Variants in DPP10 observed in about 807,000 individuals in gnomAD.
The protein encoded by DPP10 is dipeptidyl peptidase like 10.
A neutral mutation model predicts 120.9 loss-of-function variants in DPP10; 33 were observed. The observed-to-expected ratio is 0.27, with a 90% confidence interval of 0.21 to 0.37. The LOEUF (loss-of-function observed/expected upper bound fraction) is 0.37, where lower values mean the gene tolerates loss of function less well. Ranked by LOEUF, DPP10 falls within the 10% of genes least tolerant of loss-of-function variation. The pLI is 1.00. For synonymous variants in DPP10, 337 were observed against 326.1 expected (o/e 1.03, Z -0.36); for missense variants, 816 against 942.8 (o/e 0.87, Z 1.76).
At chr2:115,219,230 A>G (rs115225014) in intron 1 of DPP10, among the ~76,000 whole-genome samples, 9,546 of 152,210 alleles carry the variant, frequency 0.063, 337 homozygotes, top group Middle Eastern at 0.11. Context: ...CTATACCTGG[A>G]GGCTGAGGTT....
chr2:115,522,693 C>T (rs562349145), intron 4 of DPP10, among the ~76,000 whole-genome samples: 5 of 152,054 alleles, frequency 3.3e-5, no homozygotes, highest in South Asian at 4.2e-4. Flanking sequence ...TTTTGGATGT[C>T]GAAAACTGGA....
At chr2:115,296,989 G>A (rs921186967) in intron 1 of DPP10, among the ~76,000 whole-genome samples, 4 of 152,050 alleles carry the variant, frequency 2.6e-5, no homozygotes, top group Admixed American at 2.0e-4. Context: ...GAACGATTAT[G>A]TATAGTTTTT....
chr2:114,902,993 T>G (rs984119020), intron 1 of DPP10, among the ~76,000 whole-genome samples: 18 of 152,186 alleles, frequency 1.2e-4, no homozygotes, highest in African/African-American at 3.9e-4. Context: ...ACCACTAATC[T>G]TTTTATTATC....
At position 115,843,931 on chromosome 2, in the gene DPP10, C is replaced by T. The variant is rs1003227968; in HGVS notation, c.*1586C>T. ...AACTTTAAAATATCAAGGAATCACT[C>T]AGTCACCCTCCTGTTTTGTTGAAGG... On this transcript the variant is annotated 3_prime_UTR_variant, in exon 26 of 26. Coordinates refer to ENST00000410059, the MANE Select transcript of DPP10 (RefSeq NM_020868.6). 1 of 152,546 alleles carries T rather than the reference C, an allele frequency of 6.6e-6. No individual in the cohort carries two copies. Among genetic ancestry groups the T allele is most frequent in the Admixed American group, 6.6e-5 (1 of 15,266 alleles). 9.4% of individuals were successfully genotyped at this position (152,546 alleles called of 1,614,324 possible).
intron 1 of DPP10, among the ~76,000 whole-genome samples, chr2:114,651,977 T>C (rs1308377960): frequency 6.6e-6 from 1 of 152,160 alleles, no homozygotes; most frequent in Non-Finnish European, 1.5e-5. Flanking sequence ...ATGCTGCTGG[T>C]CTAACAAGCT....
intron 1 of DPP10, among the ~76,000 whole-genome samples, chr2:115,271,532 G>A (rs1362667375): frequency 6.6e-6 from 1 of 151,954 alleles, no homozygotes; most frequent in Non-Finnish European, 1.5e-5. Flanking sequence ...AATGTGACAA[G>A]CTTCAAACTT....
chr2:115,780,750 A>G, intron 15 of DPP10, 124 bp from the exon 16 acceptor site: 1 of 790,056 alleles, frequency 1.3e-6, no homozygotes, highest in Non-Finnish European at 1.9e-6. Context: ...CATAGTTTAC[A>G]GTGAACCTCT....
chr2:114,881,831 G>A (rs1176706953), intron 1 of DPP10, among the ~76,000 whole-genome samples: 1 of 151,952 alleles, frequency 6.6e-6, no homozygotes, highest in Non-Finnish European at 1.5e-5. Context: ...TTCTTTCCTC[G>A]GGTGAATTCA....
At chr2:114,488,919 G>A (rs1413347974) in intron 1 of DPP10, among the ~76,000 whole-genome samples, 1 of 152,190 alleles carries the variant, frequency 6.6e-6, no homozygotes, top group Admixed American at 6.5e-5. Context: ...ATCATGCTAA[G>A]TAATTTTAAA....
At chr2:115,534,724 C>G (rs1419098132) in intron 5 of DPP10, among the ~76,000 whole-genome samples, 2 of 149,834 alleles carry the variant, frequency 1.3e-5, no homozygotes, top group African/African-American at 4.9e-5. Context: ...TACAGTCCCA[C>G]CAACAGTGTA....
chr2:114,476,741 AG>A (rs1680405726), intron 1 of DPP10, among the ~76,000 whole-genome samples: 1 of 152,132 alleles, frequency 6.6e-6, no homozygotes, highest in Non-Finnish European at 1.5e-5. Context: ...TTTTAATCAA[AG>A]TTTAGCAATC....
At chr2:114,980,222 C>G (rs1277085891) in intron 1 of DPP10, among the ~76,000 whole-genome samples, 1 of 152,040 alleles carries the variant, frequency 6.6e-6, no homozygotes, top group East Asian at 1.9e-4. Context: ...ATCAGACAGC[C>G]TATATGTGAG....
At chr2:115,637,635 T>C (rs1472277618) in intron 5 of DPP10, among the ~76,000 whole-genome samples, 1 of 152,208 alleles carries the variant, frequency 6.6e-6, no homozygotes, top group Non-Finnish European at 1.5e-5. Context: ...ATAAAAGTTA[T>C]TTTATGATAA....
chr2:114,913,765 T>C (rs1694566589), intron 1 of DPP10, among the ~76,000 whole-genome samples: 1 of 152,188 alleles, frequency 6.6e-6, no homozygotes, highest in Non-Finnish European at 1.5e-5. Flanking sequence ...GATGACAATG[T>C]AGATTAATGA....
intron 5 of DPP10, among the ~76,000 whole-genome samples, chr2:115,530,188 T>G (rs556350192): frequency 6.6e-6 from 1 of 152,208 alleles, no homozygotes; most frequent in South Asian, 2.1e-4. Context: ...TTTATTCATT[T>G]TATTTATTAA....
At chr2:115,418,215 G>C (rs2069604153) in intron 3 of DPP10, among the ~76,000 whole-genome samples, 1 of 152,112 alleles carries the variant, frequency 6.6e-6, no homozygotes, top group South Asian at 2.1e-4. Context: ...ATTGTTTTTG[G>C]TCTGGCCAGC....
At chr2:114,781,847 C>T (rs1682354061) in intron 1 of DPP10, among the ~76,000 whole-genome samples, 1 of 152,126 alleles carries the variant, frequency 6.6e-6, no homozygotes, top group Admixed American at 6.6e-5. Context: ...CTGGAAGGAG[C>T]GTCCAGGGCC....
chr2:115,378,552 C>T (rs1284814786), intron 3 of DPP10, among the ~76,000 whole-genome samples: 1 of 151,130 alleles, frequency 6.6e-6, no homozygotes, highest in Admixed American at 6.6e-5. Flanking sequence ...ATTTCCTTCT[C>T]CTGCCTAATT....
chr2:115,809,928 C>G (rs182498619), intron 19 of DPP10, among the ~76,000 whole-genome samples: 2,779 of 152,264 alleles, frequency 0.018, 86 homozygotes, highest in African/African-American at 0.061. Context: ...CTTTGGGAGG[C>G]CGAGGCAGGC....
Sources: gnomAD v4.1 joint callset for allele counts (sites outside exome capture counted in the v4.1 genomes callset) on GRCh38, gnomAD v4.1.1 for gene constraint, MANE v1.5 for transcripts, NCBI Gene and HGNC (gene_info 2026-07-23, HGNC 2026-07-21) for gene names.